Variants in TCF4 observed in about 807,000 individuals in gnomAD.
TCF4 encodes the protein SL3-3 enhancer factor 2.
TCF4 carries 3 observed loss-of-function variants against 82.1 expected under a neutral mutation model. The observed-to-expected ratio is 0.04, with a 90% CI of 0.02 to 0.09. The LOEUF is 0.09. Among genes scored for constraint, TCF4 ranks in the 10% least tolerant of loss-of-function variants. The probability of loss-of-function intolerance (pLI) is 1.00; values close to 1 mark genes in which losing one functional copy is unlikely to be tolerated. For missense variants in TCF4, 518 were observed against 852.7 expected (o/e 0.61, Z 4.89); for synonymous variants, 276 against 309.6 (o/e 0.89, Z 1.14).
At chr18:55,375,752 TG>T (rs2090568962) in intron 6 of TCF4, among the ~76,000 whole-genome samples, 1 of 151,766 alleles carries the variant, frequency 6.6e-6, no homozygotes, top group Admixed American at 6.6e-5. Flanking sequence ...AAAATCATAA[TG>T]GAACAAAAAT....
chr18:55,518,531 G>GA (rs965930556), intron 3 of TCF4, among the ~76,000 whole-genome samples: 1 of 152,056 alleles, frequency 6.6e-6, no homozygotes, highest in Non-Finnish European at 1.5e-5. Flanking sequence ...TTCTGTATAT[G>GA]AAAAAATGAC....
chr18:55,461,229 C>T (rs1018863169), intron 4 of TCF4, 114 bp from the exon 5 acceptor site: 2 of 816,130 alleles, frequency 2.5e-6, no homozygotes, highest in African/African-American at 3.4e-5. Context: ...GTCCACTATT[C>T]CCTCCCTGGA....
chr18:55,618,735 C>T (rs1238799698), intron 2 of TCF4, among the ~76,000 whole-genome samples: 1 of 136,250 alleles, frequency 7.3e-6, no homozygotes, highest in Non-Finnish European at 1.6e-5. Flanking sequence ...GCACATGACA[C>T]CATGGCTGGC....
chr18:55,411,521 C>G (rs185587427), intron 5 of TCF4, among the ~76,000 whole-genome samples: 1 of 152,036 alleles, frequency 6.6e-6, no homozygotes, highest in Non-Finnish European at 1.5e-5. Context: ...GTCAAAAGCA[C>G]GCAGAAATAA....
At chr18:55,518,016 G>A (rs1228781147) in intron 3 of TCF4, among the ~76,000 whole-genome samples, 1 of 152,084 alleles carries the variant, frequency 6.6e-6, no homozygotes, top group Non-Finnish European at 1.5e-5. Context: ...TTTTTGCACA[G>A]TAACTTTTCT....
At position 55,362,936 on chromosome 18, in the gene TCF4, C is replaced by T. The variant is rs2085858430; in HGVS notation, c.370-11933G>A. ...AACACTTCTAAAAGACCGAAATAAT[C>T]TTGTATATCAATTTTTAAAAGAAAA... is the stretch of plus-strand genomic sequence containing the variant. On this transcript the variant is annotated intron_variant, in intron 6 of 19. Transcript: ENST00000354452. Among the ~76,000 whole-genome samples the T allele has an allele frequency of 2.0e-5, 3 of 152,222 alleles. No individual in the cohort carries two copies. In the South Asian group the frequency reaches 6.2e-4, roughly 32 times the overall value.
At chr18:55,400,289 T>C (rs2093743157) in intron 6 of TCF4, among the ~76,000 whole-genome samples, 1 of 152,166 alleles carries the variant, frequency 6.6e-6, no homozygotes, top group African/African-American at 2.4e-5. Flanking sequence ...CCATTATAAA[T>C]TTCATTTTCT....
chr18:55,618,219 G>T (rs2097714126), intron 2 of TCF4, among the ~76,000 whole-genome samples: 1 of 152,048 alleles, frequency 6.6e-6, no homozygotes, highest in Non-Finnish European at 1.5e-5. Flanking sequence ...TTGAAATGAT[G>T]ATGTGATTTT....
chr18:55,235,401 T>C (rs549927561), intron 15 of TCF4, among the ~76,000 whole-genome samples: 4 of 152,330 alleles, frequency 2.6e-5, no homozygotes, highest in East Asian at 1.9e-4. Context: ...ATCATTGCCA[T>C]GCAAGGAAGG....
chr18:55,246,723 A>C (rs1283013074), intron 15 of TCF4, among the ~76,000 whole-genome samples: 1 of 150,490 alleles, frequency 6.6e-6, no homozygotes, highest in Admixed American at 6.6e-5. Flanking sequence ...TTTTTTTTTC[A>C]GTTTTAAAAA....
intron 6 of TCF4, among the ~76,000 whole-genome samples, chr18:55,396,619 G>A (rs1397339440): frequency 6.6e-6 from 1 of 152,176 alleles, no homozygotes; most frequent in African/African-American, 2.4e-5. Context: ...TAGGGGCACA[G>A]AGGTTGTTGC....
chr18:55,612,826 T>C (rs1250193563), intron 2 of TCF4, among the ~76,000 whole-genome samples: 1 of 152,096 alleles, frequency 6.6e-6, no homozygotes, highest in East Asian at 1.9e-4. Flanking sequence ...TGCGTGCCTG[T>C]AATCCCAGCT....
intron 5 of TCF4, among the ~76,000 whole-genome samples, chr18:55,442,550 C>T (rs1008011542): frequency 3.9e-5 from 6 of 152,202 alleles, no homozygotes; most frequent in Non-Finnish European, 7.3e-5. Context: ...AGTCTCGGCT[C>T]TTCTGAGACA....
intron 2 of TCF4, among the ~76,000 whole-genome samples, chr18:55,600,774 C>G (rs1032271553): frequency 6.6e-6 from 1 of 152,140 alleles, no homozygotes; most frequent in Non-Finnish European, 1.5e-5. Flanking sequence ...ATTCAACCAG[C>G]CACAGATCAA....
chr18:55,439,640 T>C (rs2095400666), intron 5 of TCF4, among the ~76,000 whole-genome samples: 1 of 152,196 alleles, frequency 6.6e-6, no homozygotes, highest in African/African-American at 2.4e-5. Context: ...ACAGTAAACA[T>C]TCAACGCTGG....
chr18:55,238,139 CA>C (rs1478061368), intron 15 of TCF4, among the ~76,000 whole-genome samples: 1 of 152,210 alleles, frequency 6.6e-6, no homozygotes, highest in Non-Finnish European at 1.5e-5. Flanking sequence ...CAATTCTAAG[CA>C]TGACATTTCG....
At chr18:55,577,403 G>A (rs1460587842) in intron 3 of TCF4, among the ~76,000 whole-genome samples, 1 of 151,376 alleles carries the variant, frequency 6.6e-6, no homozygotes, top group Non-Finnish European at 1.5e-5. Context: ...ACAAACTGAA[G>A]CTATGCTACC....
chr18:55,417,813 T>C (rs1400597361), intron 5 of TCF4, among the ~76,000 whole-genome samples: 1 of 152,154 alleles, frequency 6.6e-6, no homozygotes, highest in Non-Finnish European at 1.5e-5. Flanking sequence ...ATAGTTAATA[T>C]TATGCTACAG....
chr18:55,621,856 T>C (rs1207781070), intron 2 of TCF4, among the ~76,000 whole-genome samples: 8 of 105,668 alleles, frequency 7.6e-5, no homozygotes, highest in Non-Finnish European at 1.2e-4. Context: ...ATGTATGTAT[T>C]ATATTATATA....
Sources: allele counts gnomAD v4.1 joint callset (sites outside exome capture counted in the v4.1 genomes callset), GRCh38; gene constraint gnomAD v4.1.1; transcripts MANE v1.5; gene names NCBI Gene and HGNC (gene_info 2026-07-23, HGNC 2026-07-21).